The following RIN2 variants were observed in gnomAD, a reference collection of about 807,000 sequenced individuals.
The protein encoded by RIN2 is Ras and Rab interactor 2.
RIN2 carries 36 observed loss-of-function variants against 78.0 expected under a neutral mutation model. That is an observed-to-expected ratio of 0.46 (90% confidence interval 0.35 to 0.61). The LOEUF (loss-of-function observed/expected upper bound fraction) is 0.61, where lower values mean the gene tolerates loss of function less well. RIN2 is among the 20% of genes least tolerant of loss of function. The pLI is 0.00. For missense variants in RIN2, 1,087 were observed against 1,159.7 expected (o/e 0.94, Z 0.91); for synonymous variants, 466 against 466.8 (o/e 1.00, Z 0.02).
At chr20:19,985,750 G>A (rs1384545062) in intron 9 of RIN2, among the ~76,000 whole-genome samples, 1 of 152,154 alleles carries the variant, frequency 6.6e-6, no homozygotes, top group Non-Finnish European at 1.5e-5. Flanking sequence ...AGCTTTAAAA[G>A]CATATACTCA....
At chr20:19,876,657 C>T (rs1048721313) in intron 2 of RIN2, among the ~76,000 whole-genome samples, 1 of 152,168 alleles carries the variant, frequency 6.6e-6, no homozygotes, top group Non-Finnish European at 1.5e-5. Context: ...GGAATCCCAG[C>T]ACTTTGGGAG....
chr20:19,839,561 G>A (rs2036521704), intron 2 of RIN2, among the ~76,000 whole-genome samples: 1 of 152,210 alleles, frequency 6.6e-6, no homozygotes, highest in Admixed American at 6.5e-5. Flanking sequence ...CCCACTCAGA[G>A]TCTGTTCTGT....
At chr20:19,928,198 C>T (rs546939910) in intron 3 of RIN2, among the ~76,000 whole-genome samples, 56 of 152,304 alleles carry the variant, frequency 3.7e-4, no homozygotes, top group Admixed American at 1.1e-3. Flanking sequence ...CCACTGTGCC[C>T]GACCTGTTGC....
chr20:19,828,873 C>T (rs1308314458), intron 2 of RIN2, among the ~76,000 whole-genome samples: 1 of 152,004 alleles, frequency 6.6e-6, no homozygotes, highest in Admixed American at 6.6e-5. Context: ...ATGGTCCAAC[C>T]GGCTACGTCG....
In RIN2 at chr20:19,844,710, T is replaced by C. The variant is rs867746979; in HGVS notation, c.-36-44856T>C. Among the ~76,000 whole-genome samples the C allele has an allele frequency of 3.9e-3, 168 of 43,310 alleles. 2 individuals are homozygous for C. Among genetic ancestry groups the C allele is most frequent in the African/African-American group, 0.019 (147 of 7,572 alleles). The allele number at this position is 43,310 out of a possible 152,430, so 28.4% of individuals were successfully genotyped here. ...CCTCTTCCTCTTCCTCTTCTTCTTC[T>C]TCTTCTTCTTCTTCTTCTTCTTCTT... On this transcript the variant is annotated intron_variant, in intron 2 of 12. Coordinates refer to ENST00000255006, the MANE Select transcript of RIN2 (RefSeq NM_018993.4).
intron 3 of RIN2, among the ~76,000 whole-genome samples, chr20:19,894,856 A>G (rs2038646654): frequency 6.6e-6 from 1 of 152,094 alleles, no homozygotes; most frequent in Non-Finnish European, 1.5e-5. Flanking sequence ...CTACTGATCC[A>G]TGTCACCTGC....
chr20:19,761,457 C>T lies in RIN2; in HGVS notation c.-163+3130C>T, dbSNP rs116568142. 7.5e-3 allele frequency among the ~76,000 whole-genome samples: 1,145 copies of T among 152,262 alleles called. 16 individuals are homozygous for T. Among genetic ancestry groups the T allele is most frequent in the African/African-American group, 0.026 (1,081 of 41,528 alleles). On this transcript the variant is annotated intron_variant, in intron 1 of 12. Transcript: ENST00000255006. ...TTTATTGTTATACCATACATTGGGACTCTTTAGAATGACACCATAGTATGG... is the reference window on the plus strand; with the variant it reads ...TTTATTGTTATACCATACATTGGGATTCTTTAGAATGACACCATAGTATGG...
At chr20:19,948,497 C>G (rs571690180) in intron 4 of RIN2, among the ~76,000 whole-genome samples, 1 of 152,276 alleles carries the variant, frequency 6.6e-6, no homozygotes, top group South Asian at 2.1e-4. Flanking sequence ...CAGGTTCAAG[C>G]CATTCTCATG....
At chr20:19,805,799 A>G (rs1444622944) in intron 2 of RIN2, among the ~76,000 whole-genome samples, 1 of 151,918 alleles carries the variant, frequency 6.6e-6, no homozygotes. Flanking sequence ...TACATGTGCC[A>G]TGGTGGTTTG....
At chr20:19,770,164 C>G (rs2034057193) in intron 1 of RIN2, among the ~76,000 whole-genome samples, 1 of 152,136 alleles carries the variant, frequency 6.6e-6, no homozygotes, top group South Asian at 2.1e-4. Context: ...GGCATAAGAA[C>G]TAAGACTTCA....
intron 2 of RIN2, among the ~76,000 whole-genome samples, chr20:19,805,909 T>TA (rs2035393798): frequency 6.6e-6 from 1 of 152,094 alleles, no homozygotes; most frequent in South Asian, 2.1e-4. Context: ...GATGCTCCCC[T>TA]ATCCTGTGTC....
intron 2 of RIN2, among the ~76,000 whole-genome samples, chr20:19,805,471 G>A (rs572447843): frequency 3.3e-4 from 50 of 152,146 alleles, no homozygotes; most frequent in African/African-American, 1.0e-3. Context: ...GTGCGATCTC[G>A]GCTCACTGCA....
rs1213406924 is a variant in RIN2 at position 20,001,767 on chromosome 20, T to C, written c.*831T>C. 2 of 152,510 alleles carry C rather than the reference T, an allele frequency of 1.3e-5. No homozygotes were observed. The highest frequency in any genetic ancestry group is 4.8e-5 in the African/African-American group (2 of 41,398). 9.4% of individuals were successfully genotyped at this position (152,510 alleles called of 1,614,324 possible). A position where few individuals can be genotyped will look rare whatever the true frequency, so the allele number is the denominator to read the frequency against. On this transcript the variant is annotated 3_prime_UTR_variant, in exon 13 of 13. Coordinates refer to ENST00000255006, the MANE Select transcript of RIN2 (RefSeq NM_018993.4). ...TGCTGAGAATAAGGAGAGAAATGAA[T>C]GTAGAGAGAGGTAGAGAGAGAAATA...
At chr20:19,885,872 A>G (rs6046411) in intron 2 of RIN2, among the ~76,000 whole-genome samples, 106,895 of 152,016 alleles carry the variant, frequency 0.7, 37,844 homozygotes, top group Non-Finnish European at 0.74. Context: ...AAATATATAC[A>G]ATTTTTACTG....
intron 9 of RIN2, among the ~76,000 whole-genome samples, chr20:19,983,723 A>G (rs2042534895): frequency 6.6e-6 from 1 of 152,178 alleles, no homozygotes; most frequent in East Asian, 1.9e-4. Context: ...GAATTCTAAC[A>G]TGCATATGTT....
At chr20:19,776,189 G>C (rs184402951) in intron 1 of RIN2, among the ~76,000 whole-genome samples, 1 of 152,098 alleles carries the variant, frequency 6.6e-6, no homozygotes, top group Non-Finnish European at 1.5e-5. Context: ...AGTGGGAGTC[G>C]GACATGCCTC....
intron 9 of RIN2, among the ~76,000 whole-genome samples, chr20:19,985,596 G>T (rs7260850): frequency 6.6e-6 from 1 of 152,156 alleles, no homozygotes; most frequent in Non-Finnish European, 1.5e-5. Context: ...GTGAGGCTGG[G>T]CATGGTGTCT....
At chr20:19,801,841 A>G (rs934107312) in intron 2 of RIN2, among the ~76,000 whole-genome samples, 5 of 152,228 alleles carry the variant, frequency 3.3e-5, no homozygotes, top group Admixed American at 2.0e-4. Context: ...AGTTCCAGGT[A>G]TAAATACTGA....
At position 19,794,767 on chromosome 20, in the gene RIN2, G is replaced by T. The variant is rs1030764566; in HGVS notation, c.-162-4855G>T. 4.6e-5 allele frequency among the ~76,000 whole-genome samples: 7 copies of T among 152,078 alleles called. No individual in the cohort carries two copies. In the South Asian group the frequency reaches 1.2e-3, roughly 27 times the overall value. Reference sequence around the variant, plus strand: ...TAAATTTCTTTATAAGGACTTCAGGGTTTCTATGAGAACAGCGACTCAGGA... The same window carrying T: ...TAAATTTCTTTATAAGGACTTCAGGTTTTCTATGAGAACAGCGACTCAGGA... On this transcript the variant is annotated intron_variant, in intron 1 of 12. Coordinates refer to ENST00000255006, the MANE Select transcript of RIN2 (RefSeq NM_018993.4).
Sources: gnomAD v4.1 joint callset for allele counts (sites outside exome capture counted in the v4.1 genomes callset) on GRCh38, gnomAD v4.1.1 for gene constraint, MANE v1.5 for transcripts, NCBI Gene and HGNC (gene_info 2026-07-23, HGNC 2026-07-21) for gene names.